The following SCHIP1 variants were observed in gnomAD, a reference collection of about 807,000 sequenced individuals.
SCHIP1 encodes schwannomin interacting protein 1.
A neutral mutation model predicts 29.7 loss-of-function variants in SCHIP1; 8 were observed. That is an observed-to-expected ratio of 0.27 (90% confidence interval 0.16 to 0.49). The LOEUF is 0.49. SCHIP1 is among the 20% of genes least tolerant of loss of function. The pLI is 0.99. For missense variants in SCHIP1, 193 were observed against 294.6 expected (o/e 0.66, Z 2.52); for synonymous variants, 76 against 94.9 (o/e 0.80, Z 1.16).
the SCHIP1 span, among the ~76,000 whole-genome samples, chr3:159,662,163 G>A: frequency 0.047 from 7,089 of 152,028 alleles, 334 homozygotes; most frequent in African/African-American, 0.13. Context: ...TCATACCCCC[G>A]GCACTCTTTA....
At chr3:159,393,266 C>G in the SCHIP1 span, among the ~76,000 whole-genome samples, 1 of 152,118 alleles carries the variant, frequency 6.6e-6, no homozygotes, top group African/African-American at 2.4e-5. Flanking sequence ...TGTAGGTTGC[C>G]TGTTCACTCT....
the SCHIP1 span, among the ~76,000 whole-genome samples, chr3:159,501,066 T>C: frequency 6.6e-6 from 1 of 152,188 alleles, no homozygotes; most frequent in Admixed American, 6.5e-5. Context: ...TTTTGGAAGT[T>C]ACTCAATGCT....
At chr3:159,543,305 C>A in the SCHIP1 span, among the ~76,000 whole-genome samples, 1 of 148,678 alleles carries the variant, frequency 6.7e-6, no homozygotes, top group African/African-American at 2.5e-5. Context: ...GTGTGCTGCA[C>A]CCATTAACTC....
chr3:159,423,462 A>C, the SCHIP1 span, among the ~76,000 whole-genome samples: 6 of 152,242 alleles, frequency 3.9e-5, no homozygotes, highest in African/African-American at 1.4e-4. Context: ...TCACTAGCAC[A>C]GAAGTCTGAC....
chr3:159,370,265 C>A, the SCHIP1 span, among the ~76,000 whole-genome samples: 1 of 152,152 alleles, frequency 6.6e-6, no homozygotes, highest in Non-Finnish European at 1.5e-5. Context: ...TCTATCTCAG[C>A]CATGCTGGCC....
At chr3:159,585,944 CATA>C in the SCHIP1 span, among the ~76,000 whole-genome samples, 1 of 152,036 alleles carries the variant, frequency 6.6e-6, no homozygotes, top group Non-Finnish European at 1.5e-5. Context: ...TAGTGCCTAG[CATA>C]ATATTATTGG....
chr3:159,305,892 C>T, the SCHIP1 span, among the ~76,000 whole-genome samples: 1 of 152,120 alleles, frequency 6.6e-6, no homozygotes. Context: ...TAGCCCACTC[C>T]AATTTCACTT....
the SCHIP1 span, among the ~76,000 whole-genome samples, chr3:159,637,943 A>G: frequency 6.6e-6 from 1 of 152,330 alleles, no homozygotes; most frequent in South Asian, 2.1e-4. Flanking sequence ...TTTTTAGAAG[A>G]GTTACATGTA....
the SCHIP1 span, among the ~76,000 whole-genome samples, chr3:159,466,781 G>A: frequency 6.6e-6 from 1 of 152,078 alleles, no homozygotes; most frequent in Non-Finnish European, 1.5e-5. Flanking sequence ...CATTACAACT[G>A]CCAATAAAAG....
At chr3:159,742,717 G>C in the SCHIP1 span, among the ~76,000 whole-genome samples, 1 of 151,632 alleles carries the variant, frequency 6.6e-6, no homozygotes, top group Non-Finnish European at 1.5e-5. Context: ...ACCCAGGCTG[G>C]AGTGCAATGG....
intron 1 of SCHIP1, chr3:159,840,251 T>C (rs1312938643): frequency 6.6e-7 from 1 of 1,509,274 alleles, no homozygotes. Context: ...CCGGCATCCT[T>C]TGGGAGAGGA....
At chr3:159,435,675 T>A in the SCHIP1 span, among the ~76,000 whole-genome samples, 1 of 152,166 alleles carries the variant, frequency 6.6e-6, no homozygotes, top group African/African-American at 2.4e-5. Context: ...TAGTTCTTCA[T>A]TAATCTTGCT....
chr3:159,895,400 C>G (rs546045499), intron 6 of SCHIP1, among the ~76,000 whole-genome samples: 30 of 152,338 alleles, frequency 2.0e-4, no homozygotes, highest in African/African-American at 6.0e-4. Flanking sequence ...CAAGTCCAGG[C>G]AGCACACACA....
At chr3:159,619,581 A>G in the SCHIP1 span, among the ~76,000 whole-genome samples, 1 of 152,344 alleles carries the variant, frequency 6.6e-6, no homozygotes, top group East Asian at 1.9e-4. Context: ...ATCCCTGTAA[A>G]TGGATAACCT....
chr3:159,553,436 G>T, the SCHIP1 span, among the ~76,000 whole-genome samples: 3 of 152,098 alleles, frequency 2.0e-5, no homozygotes, highest in African/African-American at 4.8e-5. Flanking sequence ...TTGTCTAGAT[G>T]TTCAATGTAT....
chr3:159,536,181 C>G, the SCHIP1 span, among the ~76,000 whole-genome samples: 1 of 152,148 alleles, frequency 6.6e-6, no homozygotes, highest in African/African-American at 2.4e-5. Flanking sequence ...TAGAGCCTGG[C>G]TCAAACTAGC....
At chr3:159,787,502 G>A in the SCHIP1 span, among the ~76,000 whole-genome samples, 1 of 152,196 alleles carries the variant, frequency 6.6e-6, no homozygotes, top group Non-Finnish European at 1.5e-5. Context: ...TGGATTCCTA[G>A]TGAAATAATG....
the SCHIP1 span, among the ~76,000 whole-genome samples, chr3:159,616,585 G>T: frequency 2.0e-5 from 3 of 152,226 alleles, no homozygotes; most frequent in Admixed American, 1.3e-4. Context: ...ACGTAGAAGA[G>T]GAATCATTTA....
the SCHIP1 span, among the ~76,000 whole-genome samples, chr3:159,337,374 G>A: frequency 3.3e-5 from 5 of 152,096 alleles, no homozygotes; most frequent in South Asian, 2.1e-4. Flanking sequence ...AGGAAATAAA[G>A]CACATTCAAT....
Sources: gnomAD v4.1 joint callset for allele counts (sites outside exome capture counted in the v4.1 genomes callset) on GRCh38, gnomAD v4.1.1 for gene constraint, MANE v1.5 for transcripts, NCBI Gene and HGNC (gene_info 2026-07-23, HGNC 2026-07-21) for gene names.